The following CLMN variants were observed in gnomAD, a reference collection of about 807,000 sequenced individuals.
CLMN encodes the protein calmin (calponin-like, transmembrane).
In CLMN, 57 loss-of-function variants were observed where a neutral mutation model predicts 92.7. The observed-to-expected ratio is 0.61, with a 90% CI of 0.50 to 0.77. The LOEUF is 0.77. Ranked by LOEUF, CLMN falls within the 30% of genes least tolerant of loss-of-function variation. The pLI is 0.00. For synonymous variants in CLMN, 466 were observed against 470.6 expected, an observed-to-expected ratio of 0.99 and a Z score of 0.13; for missense variants, 1,158 against 1,237.5, an observed-to-expected ratio of 0.94 and a Z score of 0.96.
In CLMN at chr14:95,209,483, G is replaced by A. The variant is rs139058200; in HGVS notation, c.803-6C>T. 46 of 1,609,190 alleles carry A rather than the reference G, an allele frequency of 2.9e-5. No individual in the cohort carries two copies. The highest frequency in any genetic ancestry group is 2.7e-4 in the African/African-American group (20 of 74,926). ...TGGTGTGTCAACCATGATGTCTGTC[G>A]AGAGAGACACAGGAATTAGCAGGAG... On this transcript the variant is annotated splice_region_variant and splice_polypyrimidine_tract_variant and intron_variant, in intron 7 of 12. Coordinates refer to ENST00000298912, the MANE Select transcript of CLMN (RefSeq NM_024734.4).
intron 1 of CLMN, among the ~76,000 whole-genome samples, chr14:95,245,962 CTT>C (rs1898556220): frequency 1.3e-5 from 2 of 152,042 alleles, no homozygotes; most frequent in Non-Finnish European, 2.9e-5. Context: ...CTTTTCTACT[CTT>C]TGCATTTGGC....
intron 4 of CLMN, among the ~76,000 whole-genome samples, chr14:95,216,154 G>A (rs1469007257): frequency 3.9e-5 from 6 of 152,178 alleles, no homozygotes; most frequent in East Asian, 1.9e-4. Flanking sequence ...GGTGGAGGGC[G>A]AAGGGGAAGC....
At chr14:95,260,327 A>G (rs1475342649) in intron 1 of CLMN, among the ~76,000 whole-genome samples, 3 of 152,168 alleles carry the variant, frequency 2.0e-5, no homozygotes, top group African/African-American at 4.8e-5. Context: ...CTGTAGTCGC[A>G]GCTACTCGGG....
intron 1 of CLMN, among the ~76,000 whole-genome samples, chr14:95,268,531 G>A (rs563751778): frequency 2.2e-4 from 33 of 152,268 alleles, no homozygotes; most frequent in Non-Finnish European, 3.4e-4. Context: ...GACTATAAAA[G>A]GGAACCACAA....
At chr14:95,260,745 A>C (rs916232077) in intron 1 of CLMN, 2 of 152,242 alleles carry the variant, frequency 1.3e-5, no homozygotes, top group African/African-American at 4.8e-5. Context: ...TTCCTGGTGG[A>C]AGTGTCTTTG....
rs372974613 is a variant in CLMN, at chr14:95,221,513, A to G, written c.324+178T>C. On this transcript the variant is annotated intron_variant, in intron 4 of 12. Transcript: ENST00000298912. ...GTGGGTGGGCACGGAGTCAGGGACTATGTTCCCAACGGAGGGGTCATCTGA... is the reference window on the plus strand; with the variant it reads ...GTGGGTGGGCACGGAGTCAGGGACTGTGTTCCCAACGGAGGGGTCATCTGA... 2.0e-5 allele frequency among the ~76,000 whole-genome samples: 3 copies of G among 152,194 alleles called. No individual in the cohort carries two copies. The East Asian group carries it at 5.8e-4, about 29-fold the overall frequency.
Position 95,316,412 on chromosome 14 carries a change from G to A in CLMN, c.82+3299C>T, listed in dbSNP as rs549415783. Among the ~76,000 whole-genome samples the A allele has an allele frequency of 5.3e-5, 8 of 152,366 alleles. No individual in the cohort carries two copies. In the East Asian group the frequency reaches 1.3e-3, roughly 26 times the overall value. On this transcript the variant is annotated intron_variant, in intron 1 of 12. Coordinates refer to ENST00000298912, the MANE Select transcript of CLMN (RefSeq NM_024734.4). ...CTTGACGAACGTCTTTTTGAGCTAT[G>A]CATGTGAACATATCCATGAACACTG...
intron 1 of CLMN, among the ~76,000 whole-genome samples, chr14:95,262,515 C>A (rs1014984562): frequency 1.3e-5 from 2 of 152,148 alleles, no homozygotes; most frequent in African/African-American, 4.8e-5. Flanking sequence ...GAGACAGTAT[C>A]GTATCCAATC....
chr14:95,231,008 G>A (rs904137460), intron 1 of CLMN, among the ~76,000 whole-genome samples: 10 of 152,144 alleles, frequency 6.6e-5, no homozygotes, highest in Admixed American at 5.9e-4. Context: ...AGCACTCACT[G>A]CGTCCCGGAC....
Position 95,310,659 on chromosome 14 carries a change from G to A in CLMN, c.82+9052C>T, listed in dbSNP as rs546410347. Among the ~76,000 whole-genome samples the A allele has an allele frequency of 7.9e-5, 12 of 152,336 alleles. No individual in the cohort carries two copies. In the East Asian group the frequency reaches 1.9e-3, roughly 24 times the overall value. Reference sequence around the variant, plus strand: ...CTCACTCAGGGCTCCACTCAGAGGCGGGCTCAGAGGGCATCTGTGAAGCCC... The same window carrying A: ...CTCACTCAGGGCTCCACTCAGAGGCAGGCTCAGAGGGCATCTGTGAAGCCC... On this transcript the variant is annotated intron_variant, in intron 1 of 12. Transcript: ENST00000298912.
At chr14:95,301,266 T>G (rs1336325875) in intron 1 of CLMN, among the ~76,000 whole-genome samples, 2 of 152,160 alleles carry the variant, frequency 1.3e-5, no homozygotes, top group Non-Finnish European at 2.9e-5. Context: ...TGGGGACAGC[T>G]CTTTGGAGAA....
intron 7 of CLMN, 147 bp downstream of exon 7, chr14:95,210,539 A>C: frequency 1.4e-6 from 1 of 689,800 alleles, no homozygotes; most frequent in Non-Finnish European, 2.3e-6. Flanking sequence ...TATCGGAAAA[A>C]TATCCATATG....
chr14:95,304,235 C>G (rs1293759354), intron 1 of CLMN, among the ~76,000 whole-genome samples: 1 of 151,930 alleles, frequency 6.6e-6, no homozygotes, highest in African/African-American at 2.4e-5. Flanking sequence ...ACTTGGGAGA[C>G]TGAGGCAGGA....
At position 95,294,390 on chromosome 14, in the gene CLMN, G is replaced by A. The variant is rs1251940312; in HGVS notation, c.82+25321C>T. On this transcript the variant is annotated intron_variant, in intron 1 of 12. Coordinates refer to ENST00000298912, the MANE Select transcript of CLMN (RefSeq NM_024734.4). This position sits in a 1 kb window ranked among gnomAD's most constrained non-coding sequence, Gnocchi z 4.2. Reference sequence around the variant, plus strand: ...TCTTAGGGCACCTCTGGAAGGAGAAGGGCTGGGGGCAGAACGTGTGCTTGT... The same window carrying A: ...TCTTAGGGCACCTCTGGAAGGAGAAAGGCTGGGGGCAGAACGTGTGCTTGT... Among the ~76,000 whole-genome samples, 1 of 152,250 alleles carries A rather than the reference G, an allele frequency of 6.6e-6. No homozygotes were observed. The highest frequency in any genetic ancestry group is 1.5e-5 in the Non-Finnish European group (1 of 68,042).
rs56100404 is a variant in CLMN at position 95,316,147 on chromosome 14, A to G, written c.82+3564T>C. Reference sequence around the variant, plus strand: ...CCAGCCAGGTACGGAACTAAGGCGCAGACCTATTAACACACCACCTCTAAC... The same window carrying G: ...CCAGCCAGGTACGGAACTAAGGCGCGGACCTATTAACACACCACCTCTAAC... On this transcript the variant is annotated intron_variant, in intron 1 of 12. Coordinates refer to ENST00000298912, the MANE Select transcript of CLMN (RefSeq NM_024734.4). Among the ~76,000 whole-genome samples the G allele has an allele frequency of 4.3e-3, 660 of 152,352 alleles. 4 individuals are homozygous for G. Among genetic ancestry groups the G allele is most frequent in the African/African-American group, 0.015 (624 of 41,580 alleles).
At chr14:95,193,491 C>T (rs1896611989) in intron 12 of CLMN, 12 of 934,844 alleles carry the variant, frequency 1.3e-5, no homozygotes, top group African/African-American at 3.3e-5. Context: ...CACAAGACCA[C>T]CACCTCTTCT....
intron 1 of CLMN, among the ~76,000 whole-genome samples, chr14:95,265,868 T>C (rs1401517617): frequency 6.6e-6 from 1 of 152,320 alleles, no homozygotes. Flanking sequence ...TAATCAGATT[T>C]TCTCTATAGC....
intron 4 of CLMN, among the ~76,000 whole-genome samples, chr14:95,216,549 G>C (rs762044726): frequency 1.3e-5 from 2 of 152,218 alleles, no homozygotes; most frequent in Non-Finnish European, 2.9e-5. Context: ...ACACCACCAC[G>C]CCTGGATTTA....
At chr14:95,298,893 G>A (rs539802624) in intron 1 of CLMN, among the ~76,000 whole-genome samples, 9 of 152,154 alleles carry the variant, frequency 5.9e-5, no homozygotes, top group Non-Finnish European at 8.8e-5. Context: ...AGGTTCTCCC[G>A]ACTCTAAGGC....
Sources: allele counts gnomAD v4.1 joint callset (sites outside exome capture counted in the v4.1 genomes callset), GRCh38; gene constraint gnomAD v4.1.1; non-coding constraint Gnocchi (gnomAD v3.1); transcripts MANE v1.5; gene names NCBI Gene and HGNC (gene_info 2026-07-23, HGNC 2026-07-21).